The following EXOC6B variants were observed in gnomAD, a reference collection of about 807,000 sequenced individuals.
EXOC6B encodes SEC15 homolog B.
EXOC6B carries 54 observed loss-of-function variants against 113.5 expected under a neutral mutation model. That is an observed-to-expected ratio of 0.48 (90% CI 0.38 to 0.60). The LOEUF (loss-of-function observed/expected upper bound fraction) is 0.60. EXOC6B is among the 20% of genes least tolerant of loss of function. The pLI, the probability that EXOC6B is intolerant of heterozygous loss-of-function variation, is 0.00. For missense variants in EXOC6B, 797 were observed against 977.5 expected, an observed-to-expected ratio of 0.82 and a Z score of 2.46; for synonymous variants, 357 against 339.0, an observed-to-expected ratio of 1.05 and a Z score of -0.58.
chr2:72,187,292 T>C (rs1022827794), intron 20 of EXOC6B, among the ~76,000 whole-genome samples: 4 of 151,880 alleles, frequency 2.6e-5, no homozygotes, highest in African/African-American at 7.3e-5. Flanking sequence ...CTGCAGCTCT[T>C]CTCTCCTTCT....
At chr2:72,755,571 A>G (rs1050789577) in intron 1 of EXOC6B, among the ~76,000 whole-genome samples, 3 of 152,236 alleles carry the variant, frequency 2.0e-5, no homozygotes, top group African/African-American at 7.2e-5. Flanking sequence ...AGTTAATTCA[A>G]GTTCTAGCAG....
intron 13 of EXOC6B, 135 bp from the exon 14 acceptor site, chr2:72,496,694 C>T: frequency 1.5e-6 from 1 of 657,424 alleles, no homozygotes; most frequent in South Asian, 1.7e-5. Flanking sequence ...ATGCCACAAC[C>T]CAAAATGAAC....
At chr2:72,189,864 T>C (rs78783907) in intron 20 of EXOC6B, among the ~76,000 whole-genome samples, 7 of 121,434 alleles carry the variant, frequency 5.8e-5, no homozygotes, top group Admixed American at 1.6e-4. Context: ...CTTCTTCTTT[T>C]TTTTTTTTTT....
intron 1 of EXOC6B, among the ~76,000 whole-genome samples, chr2:72,816,730 T>C (rs1157303085): frequency 6.6e-6 from 1 of 152,260 alleles, no homozygotes; most frequent in Non-Finnish European, 1.5e-5. Context: ...TAACAAACTC[T>C]TGAAATTTAA....
chr2:72,764,575 C>T lies in EXOC6B; in HGVS notation c.114-23106G>A, dbSNP rs145823054. On this transcript the variant is annotated intron_variant, in intron 1 of 21. Transcript: ENST00000272427. ...GTAGAGATGGGGTCTCACTATGTTA[C>T]GCAGGTTGGTCTCAAACTCCTGGGC... Among the ~76,000 whole-genome samples the T allele has an allele frequency of 4.0e-5, 6 of 151,794 alleles. No individual in the cohort carries two copies. In the East Asian group the frequency reaches 5.8e-4, roughly 15 times the overall value.
At chr2:72,734,253 G>C (rs999044625) in intron 2 of EXOC6B, among the ~76,000 whole-genome samples, 4 of 152,130 alleles carry the variant, frequency 2.6e-5, no homozygotes, top group Non-Finnish European at 4.4e-5. Context: ...AAGCCAAAAT[G>C]AAATCTGAAC....
At chr2:72,544,330 T>C (rs2105799673) in intron 8 of EXOC6B, among the ~76,000 whole-genome samples, 1 of 152,270 alleles carries the variant, frequency 6.6e-6, no homozygotes, top group East Asian at 1.9e-4. Context: ...AGGAAAGCTT[T>C]TCCACTAAAA....
intron 20 of EXOC6B, among the ~76,000 whole-genome samples, chr2:72,295,210 A>G (rs1686053872): frequency 6.8e-6 from 1 of 147,976 alleles, no homozygotes; most frequent in Non-Finnish European, 1.5e-5. Context: ...CAGCCTGGCA[A>G]TAGAGCAAGA....
chr2:72,699,217 C>T lies in EXOC6B; in HGVS notation c.669+18886G>A, dbSNP rs1460607920. 4.6e-5 allele frequency among the ~76,000 whole-genome samples: 7 copies of T among 152,182 alleles called. 1 individual carries two copies. Among genetic ancestry groups the T allele is most frequent in the Admixed American group, 2.0e-4 (3 of 15,272 alleles). On this transcript the variant is annotated intron_variant, in intron 6 of 21. Transcript: ENST00000272427. ...AAACATGGCCGGGCGCGGTGGCTCA[C>T]GCCTGTAATCCCAGCACTTTGGGAA...
At chr2:72,788,362 G>A (rs1386942635) in intron 1 of EXOC6B, among the ~76,000 whole-genome samples, 1 of 152,204 alleles carries the variant, frequency 6.6e-6, no homozygotes, top group Non-Finnish European at 1.5e-5. Context: ...CATGAGCCTA[G>A]CAAACAACAC....
intron 17 of EXOC6B, among the ~76,000 whole-genome samples, chr2:72,477,018 G>C (rs1188298146): frequency 6.6e-6 from 1 of 152,074 alleles, no homozygotes; most frequent in Non-Finnish European, 1.5e-5. Flanking sequence ...ATCCTCTTGG[G>C]AATTCTCCTC....
chr2:72,569,229 G>C (rs537315948), intron 7 of EXOC6B, among the ~76,000 whole-genome samples: 14 of 152,082 alleles, frequency 9.2e-5, no homozygotes, highest in Admixed American at 3.3e-4. Flanking sequence ...ATGGGTATTG[G>C]GATTAAGTGA....
At chr2:72,198,790 G>A (rs1679320433) in intron 20 of EXOC6B, among the ~76,000 whole-genome samples, 1 of 152,108 alleles carries the variant, frequency 6.6e-6, no homozygotes, top group African/African-American at 2.4e-5. Flanking sequence ...TGTGTCTTTT[G>A]CTTAAGCTAT....
chr2:72,775,040 T>A (rs1365084874), intron 1 of EXOC6B, among the ~76,000 whole-genome samples: 1 of 152,150 alleles, frequency 6.6e-6, no homozygotes, highest in Non-Finnish European at 1.5e-5. Context: ...GGGAGAGTTA[T>A]GAGAAAGAGG....
chr2:72,283,476 G>T (rs1450543110), intron 20 of EXOC6B, among the ~76,000 whole-genome samples: 1 of 152,160 alleles, frequency 6.6e-6, no homozygotes, highest in East Asian at 1.9e-4. Context: ...GCTGCAGTAG[G>T]AAAACTTGAA....
intron 8 of EXOC6B, among the ~76,000 whole-genome samples, chr2:72,538,256 C>T (rs1489940429): frequency 6.6e-6 from 1 of 152,050 alleles, no homozygotes; most frequent in Non-Finnish European, 1.5e-5. Flanking sequence ...AGCCACTGCC[C>T]AAGAAATTTC....
intron 17 of EXOC6B, among the ~76,000 whole-genome samples, chr2:72,470,464 C>G (rs1212785952): frequency 4.0e-5 from 6 of 151,570 alleles, no homozygotes; most frequent in African/African-American, 1.5e-4. Context: ...TTTTTCAGCT[C>G]TAAGAGTTTT....
chr2:72,530,490 T>C (rs1179575690), intron 8 of EXOC6B, among the ~76,000 whole-genome samples: 1 of 152,180 alleles, frequency 6.6e-6, no homozygotes, highest in Non-Finnish European at 1.5e-5. Flanking sequence ...TGAGGTCTGT[T>C]TGGCCGGGAT....
chr2:72,518,589 G>A (rs1429463963), intron 8 of EXOC6B, among the ~76,000 whole-genome samples: 6 of 151,910 alleles, frequency 3.9e-5, no homozygotes, highest in Non-Finnish European at 8.8e-5. Flanking sequence ...TGACGAATGA[G>A]TCAGAAGAAT....
Sources: gnomAD v4.1 joint callset for allele counts (sites outside exome capture counted in the v4.1 genomes callset) on GRCh38, gnomAD v4.1.1 for gene constraint, MANE v1.5 for transcripts, NCBI Gene and HGNC (gene_info 2026-07-23, HGNC 2026-07-21) for gene names.